The following LRBA variants were observed in gnomAD, a reference collection of about 807,000 sequenced individuals.
LRBA encodes the protein LPS responsive beige-like anchor protein.
A neutral mutation model predicts 330.0 loss-of-function variants in LRBA; 176 were observed. The observed-to-expected ratio is 0.53, with a 90% CI of 0.47 to 0.60. LRBA has a LOEUF of 0.60. LRBA is among the 20% of genes least tolerant of loss of function. The pLI, the probability that LRBA is intolerant of heterozygous loss-of-function variation, is 0.00. For synonymous variants in LRBA, 1,230 were observed against 1,193.0 expected (o/e 1.03, Z -0.64); for missense variants, 3,259 against 3,444.8 (o/e 0.95, Z 1.35).
intron 35 of LRBA, among the ~76,000 whole-genome samples, chr4:150,741,596 A>T (rs933932017): frequency 2.0e-5 from 3 of 152,202 alleles, no homozygotes; most frequent in Non-Finnish European, 4.4e-5. Context: ...ACAATAGCCA[A>T]ACACTAGCAA....
In LRBA at chr4:150,850,841, C is replaced by T. The variant is rs774349362; in HGVS notation, c.3887G>A (p.Arg1296Lys). Reference protein sequence around the residue: ...GIAPDAVNGQRRDSRSTVFRI... With the variant: ...GIAPDAVNGQKRDSRSTVFRI... ...AAACACAGTAGATCTGGAATCCCTC[C>T]TTTGTCCATTAACTGCATCTGGTGC... Residue 1296 changes from arginine to lysine, a missense_variant, in exon 24 of 57, where the codon AGG becomes AAG. Physicochemically the swap from Arg to Lys is conservative, Grantham distance 26. Transcript: ENST00000651943. 1.2e-6 allele frequency: 2 copies of T among 1,613,974 alleles called. No individual in the cohort carries two copies. Among genetic ancestry groups the T allele is most frequent in the South Asian group, 2.2e-5 (2 of 91,070 alleles).
chr4:150,930,302 G>A (rs1334969664), intron 2 of LRBA, among the ~76,000 whole-genome samples: 3 of 142,082 alleles, frequency 2.1e-5, no homozygotes, highest in Admixed American at 1.5e-4. Context: ...GCAACTGAGC[G>A]AGACTCCGTC....
At chr4:150,353,094 G>A (rs1278773803) in intron 47 of LRBA, among the ~76,000 whole-genome samples, 1 of 152,044 alleles carries the variant, frequency 6.6e-6, no homozygotes, top group African/African-American at 2.4e-5. Flanking sequence ...CTTTTTGGTG[G>A]CTGTTCGAAA....
intron 47 of LRBA, among the ~76,000 whole-genome samples, chr4:150,352,767 G>C (rs1056764487): frequency 6.6e-6 from 1 of 152,102 alleles, no homozygotes; most frequent in Non-Finnish European, 1.5e-5. Context: ...TATGGGGTAG[G>C]CACATTTACA....
intron 37 of LRBA, among the ~76,000 whole-genome samples, chr4:150,611,797 C>T (rs1775291758): frequency 6.6e-6 from 1 of 152,228 alleles, no homozygotes; most frequent in East Asian, 1.9e-4. Context: ...AACCACATCA[C>T]TTGCCCCAAA....
At chr4:150,376,664 A>G (rs1325028738) in intron 47 of LRBA, among the ~76,000 whole-genome samples, 1 of 152,206 alleles carries the variant, frequency 6.6e-6, no homozygotes, top group East Asian at 1.9e-4. Flanking sequence ...TACAAAGGAA[A>G]AAAAATAACA....
At chr4:150,874,279 A>G (rs1753762668) in intron 17 of LRBA, among the ~76,000 whole-genome samples, 2 of 152,176 alleles carry the variant, frequency 1.3e-5, no homozygotes, top group Admixed American at 1.3e-4. Context: ...GTTTCTCCCA[A>G]GACCTGGAGC....
chr4:150,828,642 C>G, intron 29 of LRBA, 21 bp from the exon 30 acceptor site: 1 of 1,582,852 alleles, frequency 6.3e-7, no homozygotes, highest in Non-Finnish European at 8.6e-7. Context: ...CCCAGAAACA[C>G]AAGAAATAAA....
At chr4:150,486,281 G>A (rs991524424) in intron 42 of LRBA, among the ~76,000 whole-genome samples, 1 of 151,690 alleles carries the variant, frequency 6.6e-6, no homozygotes, top group African/African-American at 2.4e-5. Context: ...AAAAGGGTGG[G>A]TTTCCTCTAG....
intron 44 of LRBA, among the ~76,000 whole-genome samples, chr4:150,457,542 G>A (rs2152042288): frequency 6.6e-6 from 1 of 151,824 alleles, no homozygotes; most frequent in South Asian, 2.1e-4. Flanking sequence ...CACATACAAA[G>A]TAACTTTTAA....
chr4:150,651,964 C>T (rs1779746550), intron 37 of LRBA, among the ~76,000 whole-genome samples: 1 of 152,128 alleles, frequency 6.6e-6, no homozygotes, highest in Non-Finnish European at 1.5e-5. Flanking sequence ...CCACTTCAGC[C>T]TCCGAAGTAG....
At chr4:150,383,200 G>A (rs183790261) in intron 47 of LRBA, among the ~76,000 whole-genome samples, 28 of 152,166 alleles carry the variant, frequency 1.8e-4, no homozygotes, top group Admixed American at 3.9e-4. Flanking sequence ...GCTTATTAAC[G>A]TCACCAAAGG....
In LRBA at chr4:150,806,383, G is replaced by A. The variant is rs764506241; in HGVS notation, c.5406C>T (p.His1802=). ...GGAGAGGAGCTGCCTTTTCCAAAGCGTGTTCAAGCCTCTCTGTAATACTAA... is the reference window on the plus strand; with the variant it reads ...GGAGAGGAGCTGCCTTTTCCAAAGCATGTTCAAGCCTCTCTGTAATACTAA... ...SNMSITERLE[H]ALEKAAPLLR... Residue 1802 remains histidine, a synonymous_variant, in exon 33 of 57, where the codon CAC becomes CAT. Coordinates refer to ENST00000651943, the MANE Select transcript of LRBA (RefSeq NM_001364905.1). 118 of 1,608,380 alleles carry A rather than the reference G, an allele frequency of 7.3e-5. No homozygotes were observed. Among genetic ancestry groups the A allele is most frequent in the Admixed American group, 1.0e-4 (6 of 59,204 alleles).
chr4:150,413,033 T>G (rs1268150946), intron 47 of LRBA, among the ~76,000 whole-genome samples: 1 of 151,754 alleles, frequency 6.6e-6, no homozygotes, highest in Non-Finnish European at 1.5e-5. Flanking sequence ...CAACCCAATT[T>G]AAAAACAGGC....
At chr4:150,582,923 A>AAAGTAGG in intron 40 of LRBA, 1 of 1,319,418 alleles carries the variant, frequency 7.6e-7, no homozygotes, top group Admixed American at 2.3e-5. Context: ...CTTAACGGGG[A>AAAGTAGG]GCGCACCGCC....
chr4:150,433,595 G>A (rs1315046532), intron 46 of LRBA, among the ~76,000 whole-genome samples: 2 of 151,906 alleles, frequency 1.3e-5, no homozygotes, highest in Non-Finnish European at 2.9e-5. Flanking sequence ...CTTAACAAAT[G>A]AAGGAATTTG....
chr4:150,808,504 T>A lies in LRBA; in HGVS notation c.5306-106A>T. On this transcript the variant is annotated intron_variant, in intron 31 of 56. Coordinates refer to ENST00000651943, the MANE Select transcript of LRBA (RefSeq NM_001364905.1). ...AGTCAATAAAAGCATTATAACGTAT[T>A]TTTATGTCCATTACTATTTGGATAA... 4.6e-6 allele frequency: 3 copies of A among 656,262 alleles called. No homozygotes were observed. The South Asian group carries it at 5.7e-5, about 13-fold the overall frequency. 40.7% of individuals were successfully genotyped at this position (656,262 alleles called of 1,614,324 possible).
intron 16 of LRBA, among the ~76,000 whole-genome samples, chr4:150,895,165 A>G (rs1422883837): frequency 6.6e-6 from 1 of 151,956 alleles, no homozygotes; most frequent in Non-Finnish European, 1.5e-5. Context: ...AGTTTTACTA[A>G]TTATAGGTAA....
At chr4:150,529,410 T>C (rs955151982) in intron 40 of LRBA, among the ~76,000 whole-genome samples, 1 of 152,060 alleles carries the variant, frequency 6.6e-6, no homozygotes, top group Non-Finnish European at 1.5e-5. Flanking sequence ...ACAAACAATA[T>C]TAGCTTATAT....
Sources: gnomAD v4.1 joint callset for allele counts (sites outside exome capture counted in the v4.1 genomes callset) on GRCh38, gnomAD v4.1.1 for gene constraint, MANE v1.5 for transcripts, NCBI Gene and HGNC (gene_info 2026-07-23, HGNC 2026-07-21) for gene names.